MARCHF3: variants seen among roughly 807,000 people sequenced by gnomAD.
MARCHF3 encodes membrane associated ring-CH-type finger 3.
Under a neutral mutation model 24.2 loss-of-function variants are expected in MARCHF3, and 13 were observed. That is an observed-to-expected ratio of 0.54 (90% CI 0.35 to 0.85). The LOEUF is 0.85. Among genes scored for constraint, MARCHF3 ranks in the 40% least tolerant of loss-of-function variants. The probability of loss-of-function intolerance (pLI) is 0.01; values close to 1 mark genes in which losing one functional copy is unlikely to be tolerated. For missense variants in MARCHF3, 276 were observed against 325.0 expected (o/e 0.85, Z 1.16); for synonymous variants, 144 against 137.3 (o/e 1.05, Z -0.34).
intron 1 of MARCHF3, among the ~76,000 whole-genome samples, chr5:126,928,140 G>A (rs993204661): frequency 2.0e-5 from 3 of 152,084 alleles, no homozygotes; most frequent in Non-Finnish European, 4.4e-5. Flanking sequence ...ATGCCCCCAC[G>A]GAGCTCATTC....
At chr5:126,871,839 C>T (rs1192742669) in intron 4 of MARCHF3, among the ~76,000 whole-genome samples, 2 of 151,806 alleles carry the variant, frequency 1.3e-5, no homozygotes, top group African/African-American at 2.4e-5. Context: ...CCTGAGAAGC[C>T]GGGATTACAG....
intron 1 of MARCHF3, among the ~76,000 whole-genome samples, chr5:126,928,413 T>A (rs1580652745): frequency 6.6e-6 from 1 of 152,246 alleles, no homozygotes; most frequent in East Asian, 1.9e-4. Context: ...GGAACTTGGT[T>A]TCTAGTGACC....
rs1389392707 is a variant in MARCHF3, at chr5:126,914,942, C to T, written c.381G>A (p.Arg127=). 2 of 1,614,126 alleles carry T rather than the reference C, an allele frequency of 1.2e-6. No individual in the cohort carries two copies. Among genetic ancestry groups the T allele is most frequent in the South Asian group, 2.2e-5 (2 of 91,076 alleles). The part of the protein sequence containing the change: ...HFRFAVERKP[R]PLVEWLRNPG... ...CCCACTTACTGACCTCCACTAACGG[C>T]CTGGGTTTGCGCTCGACTGCAAACC... is the stretch of plus-strand genomic sequence containing the variant. Residue 127 remains arginine (R), a synonymous_variant, in exon 3 of 5, where the codon AGG becomes AGA. Transcript: ENST00000308660.
intron 3 of MARCHF3, among the ~76,000 whole-genome samples, chr5:126,887,198 T>C (rs758080726): frequency 6.6e-6 from 1 of 152,162 alleles, no homozygotes; most frequent in Non-Finnish European, 1.5e-5. Context: ...TTAGCCCAGG[T>C]GTTTGTACCC....
At chr5:126,992,305 T>C (rs1751793412) in intron 1 of MARCHF3, among the ~76,000 whole-genome samples, 1 of 152,170 alleles carries the variant, frequency 6.6e-6, no homozygotes, top group Non-Finnish European at 1.5e-5. Flanking sequence ...CAAATCAGCC[T>C]GAAACACAAG....
chr5:126,922,397 T>C (rs567431419), intron 1 of MARCHF3, among the ~76,000 whole-genome samples: 7 of 152,268 alleles, frequency 4.6e-5, no homozygotes, highest in Non-Finnish European at 1.0e-4. Context: ...AGATAATACA[T>C]ATGAATTCAC....
intron 3 of MARCHF3, among the ~76,000 whole-genome samples, chr5:126,913,155 A>C (rs1754599893): frequency 6.6e-6 from 1 of 152,218 alleles, no homozygotes; most frequent in Non-Finnish European, 1.5e-5. Flanking sequence ...GTCTGAGAAA[A>C]ATTAGGGTAT....
At chr5:126,973,573 G>A (rs114434471) in intron 1 of MARCHF3, among the ~76,000 whole-genome samples, 2 of 152,138 alleles carry the variant, frequency 1.3e-5, no homozygotes, top group African/African-American at 4.8e-5. Context: ...AAGTGCAGAG[G>A]GTGGCAGAGA....
intron 1 of MARCHF3, among the ~76,000 whole-genome samples, chr5:126,923,347 T>C (rs75325186): frequency 9.9e-4 from 151 of 152,282 alleles, no homozygotes; most frequent in Non-Finnish European, 1.8e-3. Context: ...ACATTTTCAG[T>C]GCCAAGTCAA....
chr5:126,930,416 C>T (rs947823872), intron 1 of MARCHF3, among the ~76,000 whole-genome samples: 9 of 152,230 alleles, frequency 5.9e-5, no homozygotes, highest in Admixed American at 3.3e-4. Context: ...CACTTGGTGC[C>T]ACTTGCCCCT....
chr5:126,919,578 G>A (rs1435999326), intron 1 of MARCHF3, among the ~76,000 whole-genome samples: 3 of 152,160 alleles, frequency 2.0e-5, no homozygotes, highest in Non-Finnish European at 2.9e-5. Flanking sequence ...GATCCCCATG[G>A]TTCTGGAAAA....
chr5:126,956,537 T>C (rs1750445249), intron 1 of MARCHF3, among the ~76,000 whole-genome samples: 2 of 148,146 alleles, frequency 1.4e-5, no homozygotes, highest in African/African-American at 5.0e-5. Flanking sequence ...CCCAGCTACT[T>C]GGGAGGCTGA....
chr5:126,974,719 T>C (rs1452078487), intron 1 of MARCHF3, among the ~76,000 whole-genome samples: 2 of 152,210 alleles, frequency 1.3e-5, no homozygotes, highest in African/African-American at 4.8e-5. Flanking sequence ...TTACGGAGAC[T>C]GTGTTTACTC....
At chr5:126,938,919 T>G (rs1749734972) in intron 1 of MARCHF3, among the ~76,000 whole-genome samples, 1 of 152,202 alleles carries the variant, frequency 6.6e-6, no homozygotes. Flanking sequence ...GTGATTTCCT[T>G]TTGCTATTAA....
intron 1 of MARCHF3, among the ~76,000 whole-genome samples, chr5:126,998,633 G>A (rs1053276547): frequency 2.0e-5 from 3 of 152,188 alleles, no homozygotes; most frequent in Admixed American, 1.3e-4. Flanking sequence ...GGGAAGGTCA[G>A]GAGCAGGGTA....
chr5:126,988,305 C>T (rs1446171064), intron 1 of MARCHF3, among the ~76,000 whole-genome samples: 1 of 152,040 alleles, frequency 6.6e-6, no homozygotes, highest in Non-Finnish European at 1.5e-5. Flanking sequence ...AACAGGAAAC[C>T]GGATCTACAT....
chr5:126,933,475 C>T (rs879849300), intron 1 of MARCHF3, among the ~76,000 whole-genome samples: 9 of 147,710 alleles, frequency 6.1e-5, no homozygotes, highest in East Asian at 4.0e-4. Context: ...GACAGAGTCT[C>T]GCTGTGTCGC....
At chr5:126,932,980 A>G (rs1749526360) in intron 1 of MARCHF3, among the ~76,000 whole-genome samples, 1 of 152,186 alleles carries the variant, frequency 6.6e-6, no homozygotes, top group Non-Finnish European at 1.5e-5. Context: ...TCATCTGCTG[A>G]TCCCAACACT....
chr5:126,982,744 C>T (rs1031799679), intron 1 of MARCHF3, among the ~76,000 whole-genome samples: 1 of 152,184 alleles, frequency 6.6e-6, no homozygotes, highest in African/African-American at 2.4e-5. Context: ...GGGATAAATG[C>T]ACCTTCACAG....
Sources: allele counts gnomAD v4.1 joint callset (sites outside exome capture counted in the v4.1 genomes callset), GRCh38; gene constraint gnomAD v4.1.1; transcripts MANE v1.5; gene names NCBI Gene and HGNC (gene_info 2026-07-23, HGNC 2026-07-21).